Variants in ENPP2 observed in about 807,000 individuals in gnomAD.
ENPP2 encodes ectonucleotide pyrophosphatase/phosphodiesterase 2.
Under a neutral mutation model 120.2 loss-of-function variants are expected in ENPP2, and 51 were observed. The ratio of observed to expected loss-of-function variants is 0.42; its 90% CI spans 0.34 to 0.54. The LOEUF is 0.54. Among genes scored for constraint, ENPP2 ranks in the 20% least tolerant of loss-of-function variants. The pLI, the probability that ENPP2 is intolerant of heterozygous loss-of-function variation, is 0.04. For synonymous variants in ENPP2, 365 were observed against 366.4 expected (o/e 1.00, Z 0.04); for missense variants, 920 against 1,066.5 (o/e 0.86, Z 1.91).
Position 119,580,101 on chromosome 8 carries a change from G to A in ENPP2, c.1780+15C>T, listed in dbSNP as rs779958288. 8.1e-6 allele frequency: 13 copies of A among 1,600,958 alleles called. No homozygotes were observed. Among genetic ancestry groups the A allele is most frequent in the Non-Finnish European group, 1.1e-5 (13 of 1,168,508 alleles). ...GAGAAAAACCTTATCTGATTATTTT[G>A]CAACCACCCCTTACCTTCTGTAGAC... On this transcript the variant is annotated intron_variant, in intron 19 of 24. Coordinates refer to ENST00000075322, the MANE Select transcript of ENPP2 (RefSeq NM_001040092.3).
At chr8:119,611,075 C>T (rs1312391701) in intron 8 of ENPP2, among the ~76,000 whole-genome samples, 1 of 152,078 alleles carries the variant, frequency 6.6e-6, no homozygotes, top group Non-Finnish European at 1.5e-5. Flanking sequence ...ATGGGAATGA[C>T]ATTGTATCTT....
In ENPP2 at chr8:119,582,449, C is replaced by T. The variant is rs776773233; in HGVS notation, c.1697G>A (p.Gly566Asp). The T allele has an allele frequency of 8.1e-6, 13 of 1,613,904 alleles. No individual in the cohort carries two copies. The highest frequency in any genetic ancestry group is 1.0e-5 in the Non-Finnish European group (12 of 1,179,948). Residue 566 changes from glycine to aspartate, a missense_variant, in exon 18 of 25, where the codon GGC becomes GAC. Transcript: ENST00000075322. ...CTCTACCTTATCATCACAAGTGCAG[C>T]CCAGGTCAAAATCAGACTGAAGGTA... ...IMYLQSDFDL[G>D]CTCDDKVEPK...
upstream of ENPP2, among the ~76,000 whole-genome samples, chr8:119,643,509 T>C (rs1817343590): frequency 6.6e-6 from 1 of 152,230 alleles, no homozygotes. Context: ...CAACTTTCAA[T>C]GACTTTAACT....
At chr8:119,645,416 A>G (rs1817414542) in intron 1 of ENPP2, among the ~76,000 whole-genome samples, 1 of 152,198 alleles carries the variant, frequency 6.6e-6, no homozygotes, top group African/African-American at 2.4e-5. Context: ...GATTCTAGTT[A>G]ATAATGACAA....
intron 1 of ENPP2, among the ~76,000 whole-genome samples, chr8:119,655,789 G>A (rs1049871587): frequency 1.3e-5 from 2 of 152,146 alleles, no homozygotes; most frequent in Non-Finnish European, 2.9e-5. Flanking sequence ...CCTAGCACGG[G>A]ACAGATTCAG....
intron 12 of ENPP2, among the ~76,000 whole-genome samples, chr8:119,592,008 C>A (rs1050932297): frequency 6.6e-6 from 1 of 152,138 alleles, no homozygotes. Context: ...GCTCCTCAAG[C>A]GTCATCAGCC....
chr8:119,599,798 G>C (rs759803697), intron 11 of ENPP2, among the ~76,000 whole-genome samples: 1 of 152,162 alleles, frequency 6.6e-6, no homozygotes, highest in South Asian at 2.1e-4. Flanking sequence ...CTGAGGTCAG[G>C]AGTTAGAGAC....
intron 19 of ENPP2, among the ~76,000 whole-genome samples, chr8:119,574,198 G>T (rs2130170369): frequency 6.6e-6 from 1 of 152,132 alleles, no homozygotes; most frequent in East Asian, 1.9e-4. Flanking sequence ...GACTCTCCTA[G>T]TCTTTATGAC....
chr8:119,562,315 C>T (rs1814028956), intron 24 of ENPP2, among the ~76,000 whole-genome samples: 1 of 151,776 alleles, frequency 6.6e-6, no homozygotes, highest in Admixed American at 6.6e-5. Context: ...TGGTGGTGCC[C>T]GCCTACAATC....
intron 11 of ENPP2, among the ~76,000 whole-genome samples, chr8:119,597,444 A>C (rs1813975308): frequency 2.6e-5 from 4 of 152,202 alleles, no homozygotes; most frequent in Admixed American, 2.0e-4. Context: ...GTTTTCATCC[A>C]GTGATTATAT....
chr8:119,596,432 C>A (rs1356121155), intron 11 of ENPP2, among the ~76,000 whole-genome samples: 1 of 152,110 alleles, frequency 6.6e-6, no homozygotes, highest in Non-Finnish European at 1.5e-5. Flanking sequence ...TTCAAGAGGA[C>A]AATGAGGTTC....
At chr8:119,643,569 T>C (rs1817345779), upstream of ENPP2, among the ~76,000 whole-genome samples, 1 of 152,208 alleles carries the variant, frequency 6.6e-6, no homozygotes, top group South Asian at 2.1e-4. Flanking sequence ...AATCTACACA[T>C]GAGCCCCGAC....
intron 19 of ENPP2, among the ~76,000 whole-genome samples, chr8:119,576,496 C>T (rs1020501405): frequency 2.1e-4 from 32 of 152,090 alleles, no homozygotes; most frequent in African/African-American, 7.0e-4. Flanking sequence ...TGATAAGGAG[C>T]CAAGTATACA....
chr8:119,561,394 C>A (rs2129904773), intron 24 of ENPP2, among the ~76,000 whole-genome samples: 1 of 152,298 alleles, frequency 6.6e-6, no homozygotes, highest in East Asian at 1.9e-4. Context: ...GTAGCTTATA[C>A]AACTTAGGAA....
chr8:119,648,037 C>G (rs1482302500), intron 1 of ENPP2, among the ~76,000 whole-genome samples: 9 of 152,106 alleles, frequency 5.9e-5, no homozygotes, highest in Admixed American at 5.9e-4. Flanking sequence ...TCTGGAGTCC[C>G]ACTGACTTGA....
At chr8:119,673,295 T>C in exon 1 of ENPP2, 2 of 1,535,202 alleles carry the variant, frequency 1.3e-6, no homozygotes, top group Non-Finnish European at 1.7e-6. Flanking sequence ...TCGGCGTCTG[T>C]TCCTGCCCGG....
intron 1 of ENPP2, among the ~76,000 whole-genome samples, chr8:119,669,007 C>T (rs1233826215): frequency 6.6e-6 from 1 of 152,202 alleles, no homozygotes; most frequent in Non-Finnish European, 1.5e-5. Flanking sequence ...TGCACACATA[C>T]ACCCCAAAAA....
intron 2 of ENPP2, among the ~76,000 whole-genome samples, chr8:119,628,293 G>A (rs1340670260): frequency 6.6e-6 from 1 of 151,978 alleles, no homozygotes; most frequent in African/African-American, 2.4e-5. Flanking sequence ...ACTGTTTCCA[G>A]GAATTAAAAT....
In ENPP2 at chr8:119,557,434, A is replaced by T; in HGVS notation, c.*87T>A. The T allele has an allele frequency of 1.8e-6, 2 of 1,092,422 alleles. No homozygotes were observed. The highest frequency in any genetic ancestry group is 1.5e-5 in the South Asian group (1 of 65,102). The allele number at this position is 1,092,422 out of a possible 1,614,324, so 67.7% of individuals were successfully genotyped here. The stretch of plus-strand genomic sequence containing the variant: ...ACAGGATTAAAATACTAACATTTTT[A>T]ATGTCCTGGTTTCAAATTAATAAAT... On this transcript the variant is annotated 3_prime_UTR_variant, in exon 25 of 25. Coordinates refer to ENST00000075322, the MANE Select transcript of ENPP2 (RefSeq NM_001040092.3).
Sources: allele counts gnomAD v4.1 joint callset (sites outside exome capture counted in the v4.1 genomes callset), GRCh38; gene constraint gnomAD v4.1.1; transcripts MANE v1.5; gene names NCBI Gene and HGNC (gene_info 2026-07-23, HGNC 2026-07-21).